The following SLC14A2 variants were observed in gnomAD, a reference collection of about 807,000 sequenced individuals.
The protein encoded by SLC14A2 is urea transporter 2.
In SLC14A2, 91 loss-of-function variants were observed where a neutral mutation model predicts 104.6. The observed-to-expected ratio is 0.87, with a 90% CI of 0.73 to 1.04. SLC14A2 has a LOEUF of 1.04. Among genes scored for constraint, SLC14A2 ranks in the 50% least tolerant of loss-of-function variants. The pLI, the probability that SLC14A2 is intolerant of heterozygous loss-of-function variation, is 0.00. For synonymous variants in SLC14A2, 476 were observed against 466.4 expected (o/e 1.02, Z -0.27); for missense variants, 1,189 against 1,156.0 (o/e 1.03, Z -0.41).
At chr18:45,230,730 A>G (rs937538468) in intron 1 of SLC14A2, among the ~76,000 whole-genome samples, 2 of 152,196 alleles carry the variant, frequency 1.3e-5, no homozygotes, top group Non-Finnish European at 2.9e-5. Context: ...CCCCTTAAGT[A>G]TTCCTTGTAA....
intron 2 of SLC14A2, among the ~76,000 whole-genome samples, chr18:45,596,977 G>T (rs1326866025): frequency 6.6e-6 from 1 of 152,146 alleles, no homozygotes; most frequent in African/African-American, 2.4e-5. Context: ...CCCTAGAAAT[G>T]GCCTTTGGGC....
chr18:45,667,101 T>C lies in SLC14A2; in HGVS notation c.1717+7T>C. 6.2e-7 allele frequency: 1 copy of C among 1,611,312 alleles called. No individual in the cohort carries two copies. The highest frequency in any genetic ancestry group is 8.5e-7 in the Non-Finnish European group (1 of 1,178,538). On this transcript the variant is annotated splice_region_variant and intron_variant, in intron 13 of 19. Transcript: ENST00000255226. ...TGTGGAGAGGGACTTAAAGGTAAAATTCTATGAGAACAACACTGACCCTGA... is the reference window on the plus strand; with the variant it reads ...TGTGGAGAGGGACTTAAAGGTAAAACTCTATGAGAACAACACTGACCCTGA...
chr18:45,261,257 T>A (rs2084533831), intron 1 of SLC14A2, among the ~76,000 whole-genome samples: 1 of 151,346 alleles, frequency 6.6e-6, no homozygotes, highest in Non-Finnish European at 1.5e-5. Context: ...AGTGAGAACA[T>A]GCGGGGTTTG....
intron 2 of SLC14A2, among the ~76,000 whole-genome samples, chr18:45,599,712 G>A (rs1477164562): frequency 1.3e-5 from 2 of 152,202 alleles, no homozygotes; most frequent in Admixed American, 1.3e-4. Flanking sequence ...TCACACTACT[G>A]ATAAAGATAT....
chr18:45,601,450 C>T (rs901308269), intron 2 of SLC14A2, among the ~76,000 whole-genome samples: 1 of 152,206 alleles, frequency 6.6e-6, no homozygotes, highest in Non-Finnish European at 1.5e-5. Context: ...AGTGTGCATG[C>T]TCTACCATCG....
rs565794114 is a variant in SLC14A2, at chr18:45,550,386, T to G, written c.-35+67064T>G. Among the ~76,000 whole-genome samples, 5 of 152,278 alleles carry G rather than the reference T, an allele frequency of 3.3e-5. No homozygotes were observed. In the East Asian group the frequency reaches 9.7e-4, roughly 29 times the overall value. ...GCATCCTCTTCCTGAACCCTCAAGT[T>G]CAAATATCAAAATTTGGAAATCCCA... is the stretch of plus-strand genomic sequence containing the variant. On this transcript the variant is annotated intron_variant, in intron 2 of 20. Coordinates refer to the SLC14A2 transcript ENST00000586448.
intron 2 of SLC14A2, among the ~76,000 whole-genome samples, chr18:45,600,458 A>G (rs1397972930): frequency 6.6e-6 from 1 of 152,172 alleles, no homozygotes; most frequent in East Asian, 1.9e-4. Context: ...TTCTTCTCAC[A>G]GGCCCTCCAC....
At chr18:45,497,407 C>G (rs2043117536) in intron 2 of SLC14A2, among the ~76,000 whole-genome samples, 1 of 152,162 alleles carries the variant, frequency 6.6e-6, no homozygotes, top group African/African-American at 2.4e-5. Flanking sequence ...TCATATTCAA[C>G]TGAAGAGATA....
At chr18:45,530,043 G>T (rs2043658224) in intron 2 of SLC14A2, among the ~76,000 whole-genome samples, 1 of 152,088 alleles carries the variant, frequency 6.6e-6, no homozygotes, top group Admixed American at 6.6e-5. Flanking sequence ...ACAAATTTTT[G>T]TTCAAGGACT....
intron 1 of SLC14A2, among the ~76,000 whole-genome samples, chr18:45,460,830 CTT>C (rs1364166641): frequency 2.0e-5 from 3 of 152,158 alleles, no homozygotes; most frequent in Non-Finnish European, 4.4e-5. Context: ...CCTTGGGTGT[CTT>C]TAAGATTTTA....
intron 1 of SLC14A2, among the ~76,000 whole-genome samples, chr18:45,284,801 G>A (rs2084797300): frequency 6.6e-6 from 1 of 152,154 alleles, no homozygotes; most frequent in South Asian, 2.1e-4. Context: ...AGCTGAGTTA[G>A]TGCATCGATG....
intron 1 of SLC14A2, among the ~76,000 whole-genome samples, chr18:45,214,908 T>A (rs1255001946): frequency 1.3e-5 from 1 of 79,594 alleles, no homozygotes. Flanking sequence ...TATCGGACCA[T>A]GTCTTTAAAA....
intron 1 of SLC14A2, among the ~76,000 whole-genome samples, chr18:45,221,979 C>T (rs2084067059): frequency 6.6e-6 from 1 of 152,118 alleles, no homozygotes; most frequent in Admixed American, 6.5e-5. Flanking sequence ...AATGAGCATA[C>T]ATTTTTGGCT....
chr18:45,635,354 C>A (rs2045402600), intron 5 of SLC14A2, among the ~76,000 whole-genome samples: 1 of 152,174 alleles, frequency 6.6e-6, no homozygotes, highest in Admixed American at 6.5e-5. Context: ...CCCATAGGCT[C>A]TTCCAACATT....
rs116430030 is a variant in SLC14A2, at chr18:45,598,887, T to C, written c.-34-25744T>C. Among the ~76,000 whole-genome samples, 559 of 152,300 alleles carry C rather than the reference T, an allele frequency of 3.7e-3. 8 individuals carry two copies. Among genetic ancestry groups the C allele is most frequent in the African/African-American group, 0.013 (537 of 41,548 alleles). On this transcript the variant is annotated intron_variant, in intron 2 of 20. Coordinates refer to the SLC14A2 transcript ENST00000586448. The stretch of plus-strand genomic sequence containing the variant: ...AACTAAAGCACGCAGACCGCTTGCT[T>C]CATTTTTAACTTTCTTACCCCAAGG...
chr18:45,391,017 G>T (rs1308126852), intron 1 of SLC14A2, among the ~76,000 whole-genome samples: 1 of 152,112 alleles, frequency 6.6e-6, no homozygotes, highest in East Asian at 1.9e-4. Context: ...CCATGTTGGT[G>T]TGCTGCATCC....
At chr18:45,652,884 G>T (rs2045764584) in intron 10 of SLC14A2, among the ~76,000 whole-genome samples, 1 of 152,064 alleles carries the variant, frequency 6.6e-6, no homozygotes, top group African/African-American at 2.4e-5. Context: ...GTTCCATTTG[G>T]CTAATGGAAT....
At chr18:45,590,039 A>G (rs1283390095) in intron 2 of SLC14A2, among the ~76,000 whole-genome samples, 1 of 152,142 alleles carries the variant, frequency 6.6e-6, no homozygotes, top group Non-Finnish European at 1.5e-5. Flanking sequence ...CATTTTGACC[A>G]CTTTAGCTGC....
the SLC14A2 span, among the ~76,000 whole-genome samples, chr18:45,185,289 C>G: frequency 2.2e-4 from 34 of 152,150 alleles, no homozygotes; most frequent in African/African-American, 8.0e-4. Flanking sequence ...AGGTTGTGCA[C>G]ACATTGAATT....
Sources: gnomAD v4.1 joint callset for allele counts (sites outside exome capture counted in the v4.1 genomes callset) on GRCh38, gnomAD v4.1.1 for gene constraint, MANE v1.5 for transcripts, NCBI Gene and HGNC (gene_info 2026-07-23, HGNC 2026-07-21) for gene names.